Variants in CCDC63 observed in about 807,000 individuals in gnomAD.
The protein encoded by CCDC63 is coiled-coil domain-containing protein 63.
In CCDC63, 54 loss-of-function variants were observed where a neutral mutation model predicts 63.6. The ratio of observed to expected loss-of-function variants is 0.85; its 90% CI spans 0.68 to 1.07. The LOEUF is 1.07. Among genes scored for constraint, CCDC63 ranks in the 50% least tolerant of loss-of-function variants. CCDC63 has a pLI of 0.00. For missense variants in CCDC63, 637 were observed against 689.6 expected, an observed-to-expected ratio of 0.92 and a Z score of 0.86; for synonymous variants, 253 against 266.1, an observed-to-expected ratio of 0.95 and a Z score of 0.48.
chr12:110,883,970 T>C (rs909128840), intron 7 of CCDC63, 60 bp from the exon 8 acceptor site: 5 of 1,304,482 alleles, frequency 3.8e-6, no homozygotes, highest in Non-Finnish European at 5.6e-6. Flanking sequence ...ACTGTCTGCC[T>C]GGCACGGATC....
chr12:110,874,146 T>C (rs1177649714), intron 5 of CCDC63, among the ~76,000 whole-genome samples, 185 bp downstream of exon 5: 1 of 151,618 alleles, frequency 6.6e-6, no homozygotes, highest in African/African-American at 2.4e-5. Context: ...GCAAATGCGG[T>C]TATCCCCTCA....
In CCDC63 at chr12:110,858,738, A is replaced by C. The variant is rs755170565; in HGVS notation, c.332A>C (p.Lys111Thr). 1 of 1,614,036 alleles carries C rather than the reference A, an allele frequency of 6.2e-7. No homozygotes were observed. The highest frequency in any genetic ancestry group is 2.2e-5 in the East Asian group (1 of 44,880). Residue 111 changes from lysine (K) to threonine (T), a missense_variant, in exon 4 of 12, where the codon AAA becomes ACA. Physicochemically the swap from Lys to Thr is moderately conservative, Grantham distance 78. Transcript: ENST00000308208. ...AAGGAGGACTATGAGGCATTGATTA[A>C]ATCCCTGAAAGTGCTGTTGGCTGAA... ...QTKEDYEALI[K>T]SLKVLLAELD...
intron 4 of CCDC63, among the ~76,000 whole-genome samples, chr12:110,862,451 C>G (rs1021705154): frequency 3.9e-5 from 6 of 152,240 alleles, no homozygotes; most frequent in Non-Finnish European, 7.3e-5. Flanking sequence ...TTAGGGAATA[C>G]AATTCTCCAC....
chr12:110,863,263 C>CGT (rs34959062), intron 4 of CCDC63, among the ~76,000 whole-genome samples: 46,363 of 149,072 alleles, frequency 0.31, 7,101 homozygotes, highest in African/African-American at 0.33. Flanking sequence ...GTGACACACA[C>CGT]GTGTGTGTGT....
chr12:110,849,292 G>A (rs553604498), intron 1 of CCDC63, among the ~76,000 whole-genome samples: 3 of 152,142 alleles, frequency 2.0e-5, no homozygotes, highest in Non-Finnish European at 4.4e-5. Flanking sequence ...GATGTCTAGA[G>A]GTAGGCAGTT....
intron 9 of CCDC63, among the ~76,000 whole-genome samples, chr12:110,896,965 G>A (rs528720508): frequency 6.6e-6 from 1 of 152,264 alleles, no homozygotes; most frequent in African/African-American, 2.4e-5. Context: ...TTTCTAACAA[G>A]TTCCCAGGTG....
intron 1 of CCDC63, among the ~76,000 whole-genome samples, chr12:110,851,515 G>C (rs2070704945): frequency 6.6e-6 from 1 of 152,164 alleles, no homozygotes; most frequent in Non-Finnish European, 1.5e-5. Context: ...TCCCAGGCTA[G>C]AGGGCTGAGA....
chr12:110,886,832 C>T (rs2071287655), intron 8 of CCDC63, among the ~76,000 whole-genome samples: 1 of 152,182 alleles, frequency 6.6e-6, no homozygotes, highest in African/African-American at 2.4e-5. Flanking sequence ...TCTCTGTCCC[C>T]CTCCCGGAAG....
At chr12:110,872,338 C>A (rs1435442678) in intron 4 of CCDC63, among the ~76,000 whole-genome samples, 2 of 152,194 alleles carry the variant, frequency 1.3e-5, no homozygotes. Flanking sequence ...AGTTTGCAGA[C>A]CCCTGGCCTA....
chr12:110,887,122 T>C (rs1230380437), intron 8 of CCDC63, among the ~76,000 whole-genome samples: 2 of 151,966 alleles, frequency 1.3e-5, no homozygotes, highest in African/African-American at 2.4e-5. Flanking sequence ...TTTTTTTAAA[T>C]TTTCTTTCTT....
chr12:110,896,832 G>A (rs1566138835), intron 9 of CCDC63, among the ~76,000 whole-genome samples: 2 of 152,210 alleles, frequency 1.3e-5, no homozygotes, highest in Non-Finnish European at 1.5e-5. Context: ...CCAACAGGCT[G>A]GCAGAGCTTC....
intron 7 of CCDC63, 70 bp downstream of exon 7, chr12:110,881,366 T>G: frequency 6.7e-7 from 1 of 1,483,762 alleles, no homozygotes; most frequent in South Asian, 1.3e-5. Flanking sequence ...TTTCTCTCTT[T>G]TTAAGTGAAG....
At chr12:110,854,972 G>A (rs988538067) in intron 3 of CCDC63, among the ~76,000 whole-genome samples, 1 of 151,812 alleles carries the variant, frequency 6.6e-6, no homozygotes, top group Non-Finnish European at 1.5e-5. Flanking sequence ...CTAATTTTTT[G>A]TATCGATGGG....
chr12:110,866,923 A>C (rs1344207382), intron 4 of CCDC63, among the ~76,000 whole-genome samples: 11 of 142,394 alleles, frequency 7.7e-5, no homozygotes, highest in African/African-American at 2.6e-4. Flanking sequence ...CACCTCCGGG[A>C]CGGGGCGGCT....
At position 110,862,746 on chromosome 12, in the gene CCDC63, TTTTTC is replaced by T. The variant is rs887996657; in HGVS notation, c.369+3981_369+3985del. Among the ~76,000 whole-genome samples the T allele has an allele frequency of 6.0e-5, 9 of 151,106 alleles. 1 individual carries two copies. The South Asian group carries it at 1.9e-3, about 31-fold the overall frequency. On this transcript the variant is annotated intron_variant, in intron 4 of 11. Coordinates refer to ENST00000308208, the MANE Select transcript of CCDC63 (RefSeq NM_152591.3). ...CAAATTGGTTGTTTTCTTTCTTTTC[TTTTTC>T]TTTTCTTTTTTTTTTTCTTTTTTTG...
intron 4 of CCDC63, 60 bp from the exon 5 acceptor site, chr12:110,873,782 G>T (rs1421505827): frequency 1.9e-6 from 3 of 1,591,060 alleles, no homozygotes; most frequent in Non-Finnish European, 1.7e-6. Flanking sequence ...GTGAACTGTA[G>T]AACGGGTACC....
chr12:110,859,017 C>T (rs562146335), intron 4 of CCDC63, among the ~76,000 whole-genome samples: 5 of 152,266 alleles, frequency 3.3e-5, no homozygotes, highest in Admixed American at 1.3e-4. Context: ...CCTGCTGCAC[C>T]GTGAATAAAC....
At chr12:110,844,783 G>T (rs1168549821), upstream of CCDC63, among the ~76,000 whole-genome samples, 4 of 152,108 alleles carry the variant, frequency 2.6e-5, no homozygotes, top group African/African-American at 9.7e-5. Context: ...GAACAAATTG[G>T]GATTGGCTGG....
intron 10 of CCDC63, among the ~76,000 whole-genome samples, chr12:110,902,485 G>T (rs778687855): frequency 3.9e-5 from 6 of 152,026 alleles, no homozygotes; most frequent in African/African-American, 1.5e-4. Flanking sequence ...CCCATGCCCA[G>T]TTCCTCCACA....
Sources: gnomAD v4.1 joint callset for allele counts (sites outside exome capture counted in the v4.1 genomes callset) on GRCh38, gnomAD v4.1.1 for gene constraint, MANE v1.5 for transcripts, NCBI Gene and HGNC (gene_info 2026-07-23, HGNC 2026-07-21) for gene names.